Variants in RPS6KA2 observed in about 807,000 individuals in gnomAD.
RPS6KA2 encodes the protein ribosomal protein S6 kinase alpha-2.
Under a neutral mutation model 91.8 loss-of-function variants are expected in RPS6KA2, and 42 were observed. The ratio of observed to expected loss-of-function variants is 0.46; its 90% CI spans 0.36 to 0.59. RPS6KA2 has a LOEUF of 0.59. Among genes scored for constraint, RPS6KA2 ranks in the 20% least tolerant of loss-of-function variants. The pLI is 0.00. For synonymous variants in RPS6KA2, 414 were observed against 393.6 expected, an observed-to-expected ratio of 1.05 and a Z score of -0.61; for missense variants, 798 against 978.5, an observed-to-expected ratio of 0.82 and a Z score of 2.46.
intron 1 of RPS6KA2, among the ~76,000 whole-genome samples, chr6:166,550,803 C>T (rs549166256): frequency 4.6e-5 from 7 of 151,932 alleles, no homozygotes; most frequent in Non-Finnish European, 5.9e-5. Context: ...GAGATCGACA[C>T]CATCCTGGCT....
chr6:166,451,329 G>A (rs984491317), intron 12 of RPS6KA2, 96 bp from the exon 13 acceptor site: 14 of 1,350,776 alleles, frequency 1.0e-5, no homozygotes, highest in South Asian at 5.0e-5. Context: ...GTGTGTGCAA[G>A]TCCGTGTGTG....
chr6:166,588,110 C>T (rs527705976), intron 1 of RPS6KA2, among the ~76,000 whole-genome samples: 2 of 152,274 alleles, frequency 1.3e-5, no homozygotes, highest in African/African-American at 4.8e-5. Context: ...GTTTTGCTCC[C>T]CAATGTACAC....
At chr6:166,498,460 C>A in intron 8 of RPS6KA2, 48 bp downstream of exon 8, 1 of 1,559,744 alleles carries the variant, frequency 6.4e-7, no homozygotes, top group Non-Finnish European at 8.6e-7. Flanking sequence ...CAGGGGTCCA[C>A]GTGGGGAACA....
At chr6:166,757,625 C>T (rs1778053136) in intron 2 of RPS6KA2, 1 of 455,954 alleles carries the variant, frequency 2.2e-6, no homozygotes, top group African/African-American at 2.0e-5. Flanking sequence ...GCCGTCCAGC[C>T]ATTCTGCCAG....
intron 2 of RPS6KA2, among the ~76,000 whole-genome samples, chr6:166,795,695 T>TC (rs370310781): frequency 4.1e-4 from 62 of 152,328 alleles, no homozygotes; most frequent in African/African-American, 1.4e-3. Flanking sequence ...GTCCCAGTGA[T>TC]CACAGCTGGG....
At chr6:166,661,649 G>A (rs1203398953) in intron 2 of RPS6KA2, among the ~76,000 whole-genome samples, 1 of 151,748 alleles carries the variant, frequency 6.6e-6, no homozygotes, top group Non-Finnish European at 1.5e-5. Context: ...TAGTCTATTT[G>A]CCTTATCATT....
chr6:166,530,703 C>T (rs1038607591), intron 3 of RPS6KA2, among the ~76,000 whole-genome samples: 12 of 152,186 alleles, frequency 7.9e-5, no homozygotes, highest in East Asian at 5.8e-4. Context: ...GAGCCTGGAA[C>T]GGAGATTTTG....
At chr6:166,523,205 A>C (rs1046360981) in intron 3 of RPS6KA2, among the ~76,000 whole-genome samples, 2 of 152,258 alleles carry the variant, frequency 1.3e-5, no homozygotes, top group Non-Finnish European at 2.9e-5. Context: ...GTTTATCTGA[A>C]ATGCAAGAGA....
intron 2 of RPS6KA2, among the ~76,000 whole-genome samples, chr6:166,682,653 T>G (rs1007413882): frequency 5.9e-5 from 9 of 152,078 alleles, no homozygotes; most frequent in Admixed American, 3.3e-4. Flanking sequence ...AGTGTGGAGA[T>G]AAACACTAGC....
intron 1 of RPS6KA2, among the ~76,000 whole-genome samples, chr6:166,609,016 T>C (rs1380984046): frequency 6.6e-6 from 1 of 152,184 alleles, no homozygotes; most frequent in Non-Finnish European, 1.5e-5. Context: ...CCATCTCCAC[T>C]GCGGTTTGGA....
rs1583341900 is a variant in RPS6KA2 at position 166,626,677 on chromosome 6, C to G, written c.99+244G>C. ...CCCCGTGCAGCCAGCGGCGGAGAAACCAGCTGGAAATGCAGTGGGGGTGGA... is the reference window on the plus strand; with the variant it reads ...CCCCGTGCAGCCAGCGGCGGAGAAAGCAGCTGGAAATGCAGTGGGGGTGGA... On this transcript the variant is annotated intron_variant, in intron 1 of 20. Transcript: ENST00000265678. The surrounding 1 kb of genome is among the most constrained non-coding windows in gnomAD (Gnocchi z 4.1). Among the ~76,000 whole-genome samples the G allele has an allele frequency of 6.6e-6, 1 of 152,222 alleles. No homozygotes were observed. Among genetic ancestry groups the G allele is most frequent in the South Asian group, 2.1e-4 (1 of 4,836 alleles).
At chr6:166,862,294 G>A (rs1401611926) in exon 1 of RPS6KA2, 2 of 1,569,210 alleles carry the variant, frequency 1.3e-6, no homozygotes, top group East Asian at 2.3e-5. Flanking sequence ...AGAGGCCGGC[G>A]GGTGGCGGCG....
At chr6:166,703,265 T>C (rs961573638) in intron 2 of RPS6KA2, among the ~76,000 whole-genome samples, 2 of 152,264 alleles carry the variant, frequency 1.3e-5, no homozygotes, top group African/African-American at 4.8e-5. Context: ...CCCAATTATG[T>C]TACTATGGGA....
intron 2 of RPS6KA2, among the ~76,000 whole-genome samples, chr6:166,711,053 G>A (rs1005594056): frequency 2.0e-5 from 3 of 152,040 alleles, no homozygotes; most frequent in Admixed American, 1.3e-4. Context: ...AGTCTGTAAG[G>A]AGGTGCCCCA....
At chr6:166,705,418 C>T (rs146881480) in intron 2 of RPS6KA2, among the ~76,000 whole-genome samples, 147 of 152,336 alleles carry the variant, frequency 9.6e-4, no homozygotes, top group African/African-American at 3.4e-3. Flanking sequence ...AGCAGATCAC[C>T]ACCCTCCGCA....
chr6:166,506,251 A>T (rs1406789412), intron 5 of RPS6KA2, among the ~76,000 whole-genome samples: 1 of 152,220 alleles, frequency 6.6e-6, no homozygotes, highest in Non-Finnish European at 1.5e-5. Context: ...CGCCCTGGAC[A>T]ACTTCCCTCC....
In RPS6KA2 at chr6:166,538,717, G is replaced by A; in HGVS notation, c.167C>T (p.Pro56Leu). Reference protein sequence around the residue: ...HVKEGFEKADPSQFELLKVLG... With the variant: ...HVKEGFEKADLSQFELLKVLG... Reference sequence around the variant, plus strand: ...AACCTTCAGCAGCTCAAACTGGGAAGGATCTGCCTTCTCAAAGCCCTCCTT... The same window carrying A: ...AACCTTCAGCAGCTCAAACTGGGAAAGATCTGCCTTCTCAAAGCCCTCCTT... Residue 56 changes from proline to leucine, a missense_variant, in exon 2 of 21, where the codon CCT becomes CTT. Transcript: ENST00000265678. 8 of 1,612,252 alleles carry A rather than the reference G, an allele frequency of 5.0e-6. No homozygotes were observed. In the Middle Eastern group the frequency reaches 1.3e-3, roughly 266 times the overall value.
intron 1 of RPS6KA2, among the ~76,000 whole-genome samples, chr6:166,577,825 T>C (rs1178316454): frequency 1.7e-4 from 26 of 152,296 alleles, no homozygotes; most frequent in Admixed American, 1.5e-3. Flanking sequence ...CGGAATGATA[T>C]AGTTTGGTTC....
chr6:166,823,893 T>C (rs4710114), intron 2 of RPS6KA2, among the ~76,000 whole-genome samples: 6,265 of 152,290 alleles, frequency 0.041, 542 homozygotes, highest in East Asian at 0.39. Flanking sequence ...GCTTCTCTGA[T>C]ACGTGGGATA....
Sources: allele counts gnomAD v4.1 joint callset (sites outside exome capture counted in the v4.1 genomes callset), GRCh38; gene constraint gnomAD v4.1.1; non-coding constraint Gnocchi (gnomAD v3.1); transcripts MANE v1.5; gene names NCBI Gene and HGNC (gene_info 2026-07-23, HGNC 2026-07-21).